The following RBM47 variants were observed in gnomAD, a reference collection of about 807,000 sequenced individuals.
The protein encoded by RBM47 is RNA-binding protein 47.
A neutral mutation model predicts 47.1 loss-of-function variants in RBM47; 21 were observed. The ratio of observed to expected loss-of-function variants is 0.45; its 90% CI spans 0.32 to 0.64. The LOEUF (loss-of-function observed/expected upper bound fraction) is 0.64, where lower values mean the gene tolerates loss of function less well. RBM47 is among the 30% of genes least tolerant of loss of function. The pLI is 0.05. For missense variants in RBM47, 708 were observed against 870.9 expected (o/e 0.81, Z 2.35); for synonymous variants, 375 against 361.7 (o/e 1.04, Z -0.42).
At chr4:40,627,944 A>T (rs1346538910) in intron 1 of RBM47, among the ~76,000 whole-genome samples, 1 of 152,254 alleles carries the variant, frequency 6.6e-6, no homozygotes, top group East Asian at 1.9e-4. Context: ...AACTTCTGTA[A>T]ACGCAAAAAC....
chr4:40,426,484 CT>C (rs566886936), intron 6 of RBM47, among the ~76,000 whole-genome samples: 2 of 152,246 alleles, frequency 1.3e-5, no homozygotes, highest in South Asian at 2.1e-4. Flanking sequence ...GCTCGAGTCC[CT>C]GAGAGAAAAT....
chr4:40,606,813 G>C (rs1735798883), intron 1 of RBM47, among the ~76,000 whole-genome samples: 1 of 152,076 alleles, frequency 6.6e-6, no homozygotes, highest in South Asian at 2.1e-4. Context: ...TTACAAGCCT[G>C]AGCAACACAG....
intron 1 of RBM47, among the ~76,000 whole-genome samples, chr4:40,545,042 G>A (rs1238975588): frequency 2.1e-5 from 3 of 145,964 alleles, no homozygotes; most frequent in Non-Finnish European, 4.5e-5. Flanking sequence ...AAAACAGAGT[G>A]AGATCCTTTT....
intron 2 of RBM47, among the ~76,000 whole-genome samples, chr4:40,496,558 C>T (rs1408733950): frequency 6.6e-6 from 1 of 152,166 alleles, no homozygotes; most frequent in African/African-American, 2.4e-5. Context: ...TGGCTATAAC[C>T]CAAATAGCTA....
intron 2 of RBM47, among the ~76,000 whole-genome samples, chr4:40,470,742 C>A (rs1718731215): frequency 6.6e-6 from 1 of 152,088 alleles, no homozygotes; most frequent in Admixed American, 6.6e-5. Flanking sequence ...CAGATCCTTT[C>A]TTTTCTTTAT....
At chr4:40,587,606 G>A (rs1294424535) in intron 1 of RBM47, among the ~76,000 whole-genome samples, 3 of 152,210 alleles carry the variant, frequency 2.0e-5, no homozygotes, top group African/African-American at 7.2e-5. Context: ...ACACATTGGA[G>A]GAATGGGGTG....
intron 2 of RBM47, among the ~76,000 whole-genome samples, chr4:40,522,011 A>G (rs1031351386): frequency 9.9e-5 from 15 of 152,234 alleles, no homozygotes; most frequent in African/African-American, 1.9e-4. Flanking sequence ...TTAAAAATAC[A>G]TACTGAAATG....
chr4:40,466,517 A>T (rs1158608579), intron 3 of RBM47, 60 bp downstream of exon 3: 4 of 152,072 alleles, frequency 2.6e-5, no homozygotes, highest in Non-Finnish European at 5.9e-5. Flanking sequence ...GGTTGAAAGG[A>T]ATGAAAACTT....
At chr4:40,456,551 T>C (rs1362400656) in intron 3 of RBM47, among the ~76,000 whole-genome samples, 1 of 145,188 alleles carries the variant, frequency 6.9e-6, no homozygotes, top group East Asian at 2.0e-4. Flanking sequence ...ATTTTCTTTT[T>C]TTTTTTTCTT....
chr4:40,598,830 C>G (rs1358566379), intron 1 of RBM47, among the ~76,000 whole-genome samples: 2 of 125,478 alleles, frequency 1.6e-5, no homozygotes, highest in Non-Finnish European at 3.2e-5. Context: ...ATCAGAAAGT[C>G]TTTTATTCTT....
At chr4:40,522,596 T>C (rs528599245) in intron 2 of RBM47, among the ~76,000 whole-genome samples, 1 of 152,170 alleles carries the variant, frequency 6.6e-6, no homozygotes, top group Non-Finnish European at 1.5e-5. Flanking sequence ...CCAAAAATTC[T>C]ACTATAATAT....
At chr4:40,539,739 C>CAAAAAAAAAAAAAAAAAAAAAA (rs56005602) in intron 2 of RBM47, among the ~76,000 whole-genome samples, 1 of 56,330 alleles carries the variant, frequency 1.8e-5, no homozygotes, top group African/African-American at 6.9e-5. Flanking sequence ...GACTCTGTCT[C>CAAAAAAAAAAAAAAAAAAAAAA]AAAAAAAAAA....
At chr4:40,491,423 C>T (rs920801274) in intron 2 of RBM47, among the ~76,000 whole-genome samples, 24 of 151,982 alleles carry the variant, frequency 1.6e-4, no homozygotes, top group Admixed American at 1.4e-3. Flanking sequence ...TAGGCAGCAG[C>T]CTTTTAGATA....
At chr4:40,555,759 A>T (rs982775260) in intron 1 of RBM47, among the ~76,000 whole-genome samples, 1 of 152,200 alleles carries the variant, frequency 6.6e-6, no homozygotes, top group Non-Finnish European at 1.5e-5. Context: ...AAAGTCAGTG[A>T]TTCCTCAACT....
chr4:40,599,423 A>AT (rs1316486399), intron 1 of RBM47, among the ~76,000 whole-genome samples: 8 of 152,130 alleles, frequency 5.3e-5, no homozygotes, highest in African/African-American at 1.9e-4. Flanking sequence ...CAGATTTAAA[A>AT]TGTCTGTAAA....
intron 1 of RBM47, among the ~76,000 whole-genome samples, chr4:40,564,404 C>T (rs985707423): frequency 1.2e-4 from 18 of 152,236 alleles, no homozygotes; most frequent in African/African-American, 4.1e-4. Flanking sequence ...TGCACACACA[C>T]ATACCCAGGA....
intron 3 of RBM47, among the ~76,000 whole-genome samples, chr4:40,446,614 C>T (rs1402086629): frequency 1.3e-5 from 2 of 151,724 alleles, no homozygotes; most frequent in Non-Finnish European, 2.9e-5. Context: ...GGCGTAACAC[C>T]TGTGGTCCCA....
At chr4:40,600,095 C>A (rs1735107451) in intron 1 of RBM47, among the ~76,000 whole-genome samples, 1 of 152,076 alleles carries the variant, frequency 6.6e-6, no homozygotes, top group Admixed American at 6.6e-5. Flanking sequence ...GCGGCCTTGA[C>A]CTCCTGGGCT....
At chr4:40,430,131 G>T (rs1050574970) in intron 6 of RBM47, among the ~76,000 whole-genome samples, 9 of 152,080 alleles carry the variant, frequency 5.9e-5, no homozygotes. Flanking sequence ...GGAGGCGGAG[G>T]TTGCAGTAAG....
Sources: allele counts gnomAD v4.1 joint callset (sites outside exome capture counted in the v4.1 genomes callset), GRCh38; gene constraint gnomAD v4.1.1; transcripts MANE v1.5; gene names NCBI Gene and HGNC (gene_info 2026-07-23, HGNC 2026-07-21).